The following ADCY8 variants were observed in gnomAD, a reference collection of about 807,000 sequenced individuals.
The protein encoded by ADCY8 is adenylate cyclase 8.
A neutral mutation model predicts 119.7 loss-of-function variants in ADCY8; 51 were observed. That is an observed-to-expected ratio of 0.43 (90% CI 0.34 to 0.54). The LOEUF is 0.54. ADCY8 is among the 20% of genes least tolerant of loss of function. The probability of loss-of-function intolerance (pLI) is 0.03; values close to 1 mark genes in which losing one functional copy is unlikely to be tolerated. For missense variants in ADCY8, 1,383 were observed against 1,598.8 expected (o/e 0.87, Z 2.30); for synonymous variants, 665 against 651.0 (o/e 1.02, Z -0.33).
rs1824265646 is a variant in ADCY8, at chr8:131,039,169, G to T, written c.960+205C>A. ...GAATCAGAGTAGAAGGGTAGAGTTG[G>T]TAGAAACTTTTAGAGGTCATTTAGT... On this transcript the variant is annotated intron_variant, in intron 1 of 17. Transcript: ENST00000286355. Among the ~76,000 whole-genome samples the T allele has an allele frequency of 3.9e-5, 6 of 152,320 alleles. No homozygotes were observed. In the South Asian group the frequency reaches 1.2e-3, roughly 32 times the overall value.
intron 10 of ADCY8, 51 bp downstream of exon 10, chr8:130,849,551 T>C: frequency 1.3e-6 from 2 of 1,592,000 alleles, no homozygotes; most frequent in Non-Finnish European, 1.7e-6. Context: ...ATAAACTTCA[T>C]GCTCAACTGC....
intron 11 of ADCY8, 32 bp downstream of exon 11, chr8:130,847,392 A>G: frequency 1.3e-6 from 2 of 1,511,410 alleles, no homozygotes; most frequent in Non-Finnish European, 1.8e-6. Flanking sequence ...TCTATGTCCA[A>G]CTCTCACCAA....
At chr8:130,803,742 A>G (rs1227663322) in intron 14 of ADCY8, among the ~76,000 whole-genome samples, 2 of 152,228 alleles carry the variant, frequency 1.3e-5, no homozygotes, top group African/African-American at 4.8e-5. Flanking sequence ...AGAGAGGATC[A>G]GAGGACTCCC....
intron 3 of ADCY8, among the ~76,000 whole-genome samples, chr8:130,944,219 C>A (rs187190731): frequency 3.3e-5 from 5 of 152,280 alleles, no homozygotes; most frequent in East Asian, 1.9e-4. Context: ...ACTTGCCCAG[C>A]ATCTCACTAG....
At chr8:130,817,549 G>A (rs1349737329) in intron 13 of ADCY8, among the ~76,000 whole-genome samples, 1 of 152,040 alleles carries the variant, frequency 6.6e-6, no homozygotes, top group East Asian at 1.9e-4. Flanking sequence ...GACTACCAGG[G>A]TTATGTCAAA....
intron 9 of ADCY8, among the ~76,000 whole-genome samples, chr8:130,850,355 C>G (rs12545999): frequency 1.3e-5 from 2 of 151,864 alleles, no homozygotes; most frequent in African/African-American, 4.8e-5. Flanking sequence ...GTTTACATCT[C>G]GAGTTTCAAA....
intron 15 of ADCY8, among the ~76,000 whole-genome samples, chr8:130,792,609 C>A (rs1815458419): frequency 6.6e-6 from 1 of 152,200 alleles, no homozygotes; most frequent in Admixed American, 6.5e-5. Context: ...CACATCTAAT[C>A]TATCAGCAGA....
At chr8:131,002,114 C>T (rs1822969310) in intron 1 of ADCY8, among the ~76,000 whole-genome samples, 1 of 152,330 alleles carries the variant, frequency 6.6e-6, no homozygotes, top group East Asian at 1.9e-4. Context: ...GTAAACTTGG[C>T]TCAGTTAATC....
intron 6 of ADCY8, 37 bp from the exon 7 acceptor site, chr8:130,904,079 A>T: frequency 1.9e-6 from 3 of 1,572,466 alleles, no homozygotes; most frequent in Non-Finnish European, 2.6e-6. Context: ...CACACTCCTG[A>T]TGTTGCCTGC....
intron 5 of ADCY8, among the ~76,000 whole-genome samples, chr8:130,926,427 C>A (rs970572911): frequency 3.9e-5 from 6 of 151,962 alleles, no homozygotes; most frequent in African/African-American, 1.4e-4. Context: ...TGACTTGACT[C>A]TTGCCCACTT....
At chr8:130,870,065 G>C (rs898259118) in intron 8 of ADCY8, among the ~76,000 whole-genome samples, 1 of 144,798 alleles carries the variant, frequency 6.9e-6, no homozygotes, top group South Asian at 2.3e-4. Context: ...CCAGGCTGGA[G>C]TGCAGTGGTG....
In ADCY8 at chr8:130,937,288, AGGT is replaced by A. The variant is rs1042481380; in HGVS notation, c.1354-91_1354-89del. 3 of 1,382,174 alleles carry A rather than the reference AGGT, an allele frequency of 2.2e-6. No homozygotes were observed. The African/African-American group carries it at 4.4e-5, about 20-fold the overall frequency. 85.6% of individuals were successfully genotyped at this position (1,382,174 alleles called of 1,614,324 possible). On this transcript the variant is annotated intron_variant, in intron 4 of 17. Transcript: ENST00000286355. Reference sequence around the variant, plus strand: ...GCTTGAGAAAGAGGCGAGCAGGGTTAGGTGGTCTGCAACTTGGGGTAAGGAGAA... The same window carrying A: ...GCTTGAGAAAGAGGCGAGCAGGGTTAGGTCTGCAACTTGGGGTAAGGAGAA...
chr8:130,862,561 G>T (rs1403502968), intron 9 of ADCY8, among the ~76,000 whole-genome samples: 1 of 151,936 alleles, frequency 6.6e-6, no homozygotes, highest in Non-Finnish European at 1.5e-5. Context: ...TACAGACGCC[G>T]GCCACCACGC....
chr8:130,836,718 T>G (rs562506514), intron 11 of ADCY8, among the ~76,000 whole-genome samples: 1 of 152,160 alleles, frequency 6.6e-6, no homozygotes, highest in African/African-American at 2.4e-5. Flanking sequence ...CAGGCCATCC[T>G]AAGTTGGTAG....
At chr8:130,884,958 G>A (rs1385827665) in intron 7 of ADCY8, among the ~76,000 whole-genome samples, 197 bp from the exon 8 acceptor site, 1 of 152,092 alleles carries the variant, frequency 6.6e-6, no homozygotes, top group Non-Finnish European at 1.5e-5. Context: ...CACATCCAGA[G>A]GGACACTTCC....
At chr8:130,905,707 A>G (rs1586557775) in intron 6 of ADCY8, among the ~76,000 whole-genome samples, 2 of 152,206 alleles carry the variant, frequency 1.3e-5, no homozygotes, top group African/African-American at 4.8e-5. Context: ...AAAAAATACA[A>G]AAGTTAGCTG....
chr8:130,789,836 C>T (rs1417582707), intron 15 of ADCY8, among the ~76,000 whole-genome samples: 1 of 152,116 alleles, frequency 6.6e-6, no homozygotes. Context: ...GGTTGAGTTG[C>T]AAAATTGCGG....
intron 3 of ADCY8, among the ~76,000 whole-genome samples, chr8:130,946,267 G>T (rs957469284): frequency 2.0e-5 from 3 of 152,196 alleles, no homozygotes; most frequent in African/African-American, 7.2e-5. Flanking sequence ...AAAGCTCACA[G>T]CCTATTGAAA....
At chr8:131,001,756 T>C (rs1198632843) in intron 1 of ADCY8, among the ~76,000 whole-genome samples, 1 of 152,056 alleles carries the variant, frequency 6.6e-6, no homozygotes, top group Admixed American at 6.6e-5. Context: ...TTTTTTTCTA[T>C]TTTATTTCTG....
Sources: allele counts gnomAD v4.1 joint callset (sites outside exome capture counted in the v4.1 genomes callset), GRCh38; gene constraint gnomAD v4.1.1; transcripts MANE v1.5; gene names NCBI Gene and HGNC (gene_info 2026-07-23, HGNC 2026-07-21).